SUSD5: variants seen among roughly 807,000 people sequenced by gnomAD.
SUSD5 encodes sushi domain-containing protein 5.
In SUSD5, 33 loss-of-function variants were observed where a neutral mutation model predicts 29.5. That is an observed-to-expected ratio of 1.12 (90% CI 0.85 to 1.49). SUSD5 has a LOEUF of 1.49. Ranked by LOEUF, SUSD5 falls within the 40% of genes most tolerant of loss-of-function variation. The pLI is 0.00. For synonymous variants in SUSD5, 308 were observed against 325.3 expected (o/e 0.95, Z 0.57); for missense variants, 776 against 800.6 (o/e 0.97, Z 0.37).
At chr3:33,207,629 A>C (rs1243102482) in intron 3 of SUSD5, among the ~76,000 whole-genome samples, 179 bp downstream of exon 3, 1 of 150,988 alleles carries the variant, frequency 6.6e-6, no homozygotes. Flanking sequence ...CCGATGCTTG[A>C]CCCCCTTCCT....
chr3:33,202,420 A>G (rs944769985), intron 3 of SUSD5, among the ~76,000 whole-genome samples: 2 of 152,204 alleles, frequency 1.3e-5, no homozygotes, highest in African/African-American at 4.8e-5. Context: ...TTTTGATGAC[A>G]TGAAGGAAGG....
At chr3:33,209,660 C>CT (rs566671038) in intron 2 of SUSD5, among the ~76,000 whole-genome samples, 33 of 132,390 alleles carry the variant, frequency 2.5e-4, no homozygotes, top group Middle Eastern at 3.8e-3. Context: ...TCTTTCTTTT[C>CT]TTTTTTTTTC....
At chr3:33,160,392 T>TAAA (rs71991629) in intron 4 of SUSD5, among the ~76,000 whole-genome samples, 2 of 142,352 alleles carry the variant, frequency 1.4e-5, no homozygotes, top group African/African-American at 5.1e-5. Context: ...CTTCATCTCT[T>TAAA]AAAAAAAAAA....
Position 33,151,080 on chromosome 3 carries a change from ACT to A in SUSD5, c.*1660_*1661del. ...GACTTCCACACAACACACACCACAT[ACT>A]CATCTGTGCCTTTAGGGCTTCAGCT... On this transcript the variant is annotated 3_prime_UTR_variant, in exon 5 of 5. Transcript: ENST00000309558. 6.6e-6 allele frequency: 1 copy of A among 152,032 alleles called. No individual in the cohort carries two copies. Among genetic ancestry groups the A allele is most frequent in the Non-Finnish European group, 1.5e-5 (1 of 67,998 alleles). The allele number at this position is 152,032 out of a possible 1,614,324, so 9.4% of individuals were successfully genotyped here.
intron 3 of SUSD5, among the ~76,000 whole-genome samples, chr3:33,196,720 G>C (rs1326302611): frequency 6.6e-6 from 1 of 152,176 alleles, no homozygotes. Flanking sequence ...TTTTGAAAAT[G>C]ATTGGGATCC....
At chr3:33,164,375 G>C (rs2031260005) in intron 4 of SUSD5, among the ~76,000 whole-genome samples, 1 of 152,116 alleles carries the variant, frequency 6.6e-6, no homozygotes, top group Non-Finnish European at 1.5e-5. Flanking sequence ...TGAGTATAAA[G>C]TTTCAGATTT....
chr3:33,172,180 AACACACACACACACACACAC>A (rs10576154), intron 4 of SUSD5, among the ~76,000 whole-genome samples: 7 of 148,450 alleles, frequency 4.7e-5, no homozygotes, highest in African/African-American at 1.5e-4. Context: ...ACTCTTGTAA[AACACACACACACACACACAC>A]ACACACACAC....
At chr3:33,206,289 G>C (rs778594573) in intron 3 of SUSD5, among the ~76,000 whole-genome samples, 1 of 152,092 alleles carries the variant, frequency 6.6e-6, no homozygotes, top group South Asian at 2.1e-4. Flanking sequence ...CAGGAGAATC[G>C]CATGAACCCA....
intron 3 of SUSD5, among the ~76,000 whole-genome samples, chr3:33,199,566 C>T (rs2032070715): frequency 6.6e-6 from 1 of 152,302 alleles, no homozygotes; most frequent in South Asian, 2.1e-4. Flanking sequence ...AGCCACCACG[C>T]CCAACCAAAA....
At chr3:33,181,739 A>C (rs2031677567) in intron 3 of SUSD5, among the ~76,000 whole-genome samples, 1 of 152,158 alleles carries the variant, frequency 6.6e-6, no homozygotes. Flanking sequence ...TAGATACACA[A>C]ATACCTACCA....
chr3:33,157,432 C>T (rs1232786568), intron 4 of SUSD5, among the ~76,000 whole-genome samples: 1 of 152,182 alleles, frequency 6.6e-6, no homozygotes, highest in Non-Finnish European at 1.5e-5. Context: ...CCAAAACATA[C>T]AGACAAGTCA....
At chr3:33,210,634 AT>A (rs1287335832) in intron 2 of SUSD5, among the ~76,000 whole-genome samples, 6 of 152,182 alleles carry the variant, frequency 3.9e-5, no homozygotes, top group African/African-American at 1.2e-4. Flanking sequence ...TGCACCACAC[AT>A]TTAATCATTG....
In SUSD5 at chr3:33,203,760, G is replaced by A. The variant is rs193004906; in HGVS notation, c.409+4048C>T. ...CTGAGCTTTCTGGAGGCATGCCCTC[G>A]TTGTGCCCGGGTCTCCACACCCTCC... On this transcript the variant is annotated intron_variant, in intron 3 of 4. Transcript: ENST00000309558. Among the ~76,000 whole-genome samples, 380 of 152,268 alleles carry A rather than the reference G, an allele frequency of 2.5e-3. 2 individuals carry two copies. Among genetic ancestry groups the A allele is most frequent in the African/African-American group, 8.2e-3 (341 of 41,554 alleles).
intron 3 of SUSD5, among the ~76,000 whole-genome samples, chr3:33,187,667 T>TA (rs999409621): frequency 6.6e-6 from 1 of 152,000 alleles, no homozygotes; most frequent in South Asian, 2.1e-4. Context: ...TTTTTTTTTT[T>TA]TATACTTTAA....
intron 4 of SUSD5, among the ~76,000 whole-genome samples, chr3:33,159,704 C>CAT (rs1202371043): frequency 2.9e-5 from 3 of 104,052 alleles, no homozygotes; most frequent in African/African-American, 1.2e-4. Context: ...CAAACACACC[C>CAT]ATACACACAC....
chr3:33,202,084 T>TATCTATC (rs2032132933), intron 3 of SUSD5, among the ~76,000 whole-genome samples: 7 of 150,070 alleles, frequency 4.7e-5, no homozygotes, highest in African/African-American at 1.5e-4. Context: ...ATCTATCATC[T>TATCTATC]ATCTATCATC....
intron 2 of SUSD5, among the ~76,000 whole-genome samples, chr3:33,212,525 T>C (rs2032341013): frequency 1.3e-5 from 2 of 152,198 alleles, no homozygotes; most frequent in African/African-American, 4.8e-5. Flanking sequence ...TTGCGTATAA[T>C]GTCTAGGGGC....
At chr3:33,215,864 C>T (rs1283874865) in intron 1 of SUSD5, among the ~76,000 whole-genome samples, 1 of 152,174 alleles carries the variant, frequency 6.6e-6, no homozygotes. Flanking sequence ...TTTATAGCCT[C>T]AGATCTCACA....
At chr3:33,194,986 C>T (rs756524910) in intron 3 of SUSD5, among the ~76,000 whole-genome samples, 1 of 152,030 alleles carries the variant, frequency 6.6e-6, no homozygotes, top group Non-Finnish European at 1.5e-5. Flanking sequence ...CCTGAGGTCA[C>T]GAGTTCAAGA....
Sources: gnomAD v4.1 joint callset for allele counts (sites outside exome capture counted in the v4.1 genomes callset) on GRCh38, gnomAD v4.1.1 for gene constraint, MANE v1.5 for transcripts, NCBI Gene and HGNC (gene_info 2026-07-23, HGNC 2026-07-21) for gene names.